Variants in KCNK9 observed in about 807,000 individuals in gnomAD.
KCNK9 encodes the protein potassium two pore domain channel subfamily K member 9.
KCNK9 carries 1 observed loss-of-function variant against 10.8 expected under a neutral mutation model. The ratio of observed to expected loss-of-function variants is 0.09; its 90% confidence interval spans 0.03 to 0.44. KCNK9 has a LOEUF of 0.44. Among genes scored for constraint, KCNK9 ranks in the 20% least tolerant of loss-of-function variants. The probability of loss-of-function intolerance (pLI) is 0.97; values close to 1 mark genes in which losing one functional copy is unlikely to be tolerated. For synonymous variants in KCNK9, 231 were observed against 222.7 expected (o/e 1.04, Z -0.33); for missense variants, 303 against 515.0 (o/e 0.59, Z 3.98).
At chr8:139,669,570 T>C (rs1189491928) in intron 1 of KCNK9, among the ~76,000 whole-genome samples, 1 of 152,220 alleles carries the variant, frequency 6.6e-6, no homozygotes, top group Non-Finnish European at 1.5e-5. Flanking sequence ...ATTGCAGCAA[T>C]TCAGTCACAT....
chr8:139,609,634 C>T (rs971279705), downstream of KCNK9, among the ~76,000 whole-genome samples: 1 of 152,230 alleles, frequency 6.6e-6, no homozygotes, highest in Non-Finnish European at 1.5e-5. Context: ...AGGCTTTCTT[C>T]CTTTAGAGCA....
At chr8:139,673,418 T>C (rs1181613719) in intron 1 of KCNK9, among the ~76,000 whole-genome samples, 1 of 152,236 alleles carries the variant, frequency 6.6e-6, no homozygotes, top group Non-Finnish European at 1.5e-5. Context: ...GCCAGGCCTA[T>C]GCCAGGAATT....
Position 139,702,654 on chromosome 8 carries a change from C to T in KCNK9, c.283+56G>A. On this transcript the variant is annotated intron_variant, in intron 1 of 1. Coordinates refer to ENST00000520439, the MANE Select transcript of KCNK9 (RefSeq NM_001282534.2). The surrounding 1 kb of genome is among the most constrained non-coding windows in gnomAD (Gnocchi z 7.5). ...CCCAGCCCGGCGCGGCGCGCTCAGC[C>T]GCCTCCCCGGACTCCTCCCGGGGCG... The T allele has an allele frequency of 1.3e-6, 2 of 1,532,346 alleles. No individual in the cohort carries two copies. The highest frequency in any genetic ancestry group is 1.8e-6 in the Non-Finnish European group (2 of 1,140,754). The allele number at this position is 1,532,346 out of a possible 1,614,324, so 94.9% of individuals were successfully genotyped here. A position where few individuals can be genotyped will look rare whatever the true frequency, so the allele number is the denominator to read the frequency against.
intron 1 of KCNK9, among the ~76,000 whole-genome samples, chr8:139,670,223 G>GC (rs981660705): frequency 1.3e-5 from 2 of 152,096 alleles, no homozygotes; most frequent in African/African-American, 4.8e-5. Flanking sequence ...GGTTCCTGGT[G>GC]CCCCCAGACA....
chr8:139,643,617 G>A (rs960753960), intron 1 of KCNK9, among the ~76,000 whole-genome samples: 5 of 152,162 alleles, frequency 3.3e-5, no homozygotes, highest in African/African-American at 1.2e-4. Flanking sequence ...GGGCACAGGT[G>A]TCCCCTGGCG....
chr8:139,625,725 GAAA>G (rs113414842), intron 1 of KCNK9, among the ~76,000 whole-genome samples: 77 of 137,014 alleles, frequency 5.6e-4, no homozygotes, highest in African/African-American at 1.3e-3. Context: ...AACAAAACAG[GAAA>G]AAAAAAAAAA....
At chr8:139,694,605 C>CTGGCCA (rs1817008566) in intron 1 of KCNK9, among the ~76,000 whole-genome samples, 1 of 152,230 alleles carries the variant, frequency 6.6e-6, no homozygotes, top group Admixed American at 6.5e-5. Flanking sequence ...CATTGGATGG[C>CTGGCCA]TGGCCATGCG....
At chr8:139,623,895 T>G (rs1475360015) in intron 1 of KCNK9, among the ~76,000 whole-genome samples, 1 of 152,154 alleles carries the variant, frequency 6.6e-6, no homozygotes, top group Non-Finnish European at 1.5e-5. Flanking sequence ...CGCCTCCGAC[T>G]GCGGGTGAGA....
intron 1 of KCNK9, among the ~76,000 whole-genome samples, chr8:139,701,020 G>A (rs1384921473): frequency 6.6e-6 from 1 of 152,188 alleles, no homozygotes; most frequent in Non-Finnish European, 1.5e-5. Flanking sequence ...TAAGGGCCTT[G>A]GGGCTTTCTC....
intron 1 of KCNK9, among the ~76,000 whole-genome samples, chr8:139,625,420 G>C (rs1454090532): frequency 1.3e-5 from 2 of 152,238 alleles, no homozygotes; most frequent in East Asian, 3.9e-4. Flanking sequence ...CTCCCGAGGA[G>C]AGCAGAGCCC....
downstream of KCNK9, among the ~76,000 whole-genome samples, chr8:139,614,899 T>C (rs549875955): frequency 1.4e-4 from 21 of 152,316 alleles, no homozygotes; most frequent in African/African-American, 5.1e-4. Context: ...CATGTTGATT[T>C]CTAGGTACTG....
At chr8:139,620,279 T>C (rs1240357639) in intron 1 of KCNK9, among the ~76,000 whole-genome samples, 1 of 152,236 alleles carries the variant, frequency 6.6e-6, no homozygotes, top group Non-Finnish European at 1.5e-5. Flanking sequence ...TTCCAACATC[T>C]AAAATCCTGC....
At chr8:139,616,282 A>AG (rs2130097798), downstream of KCNK9, 1 of 152,234 alleles carries the variant, frequency 6.6e-6, no homozygotes, top group African/African-American at 2.4e-5. Context: ...CTCATCCAAG[A>AG]GGAAAAAAAA....
intron 1 of KCNK9, among the ~76,000 whole-genome samples, chr8:139,639,321 G>A (rs1035293999): frequency 9.9e-5 from 15 of 152,228 alleles, no homozygotes; most frequent in African/African-American, 3.4e-4. Context: ...CATGGAAGGT[G>A]GAGACCACTA....
chr8:139,656,055 A>G (rs1444031178), intron 1 of KCNK9, among the ~76,000 whole-genome samples: 2 of 152,164 alleles, frequency 1.3e-5, no homozygotes, highest in Non-Finnish European at 2.9e-5. Flanking sequence ...AAGCTCCGGG[A>G]CATTCAAACA....
chr8:139,677,397 T>C (rs188505028), intron 1 of KCNK9, among the ~76,000 whole-genome samples: 1 of 152,164 alleles, frequency 6.6e-6, no homozygotes, highest in East Asian at 1.9e-4. Context: ...AAAACACTTG[T>C]CCCAGGGGCT....
At chr8:139,669,845 T>A (rs1162548367) in intron 1 of KCNK9, among the ~76,000 whole-genome samples, 1 of 152,252 alleles carries the variant, frequency 6.6e-6, no homozygotes, top group South Asian at 2.1e-4. Flanking sequence ...CATTACAAAA[T>A]GTGTTTCTTA....
rs183520303 is a variant in KCNK9 at position 139,650,393 on chromosome 8, C to T, written c.284-31294G>A. Among the ~76,000 whole-genome samples the T allele has an allele frequency of 3.9e-5, 6 of 152,298 alleles. No homozygotes were observed. In the East Asian group the frequency reaches 9.7e-4, roughly 25 times the overall value. On this transcript the variant is annotated intron_variant, in intron 1 of 1. Coordinates refer to ENST00000520439, the MANE Select transcript of KCNK9 (RefSeq NM_001282534.2). ...CTGGCACACACAGTGCTTTAGTAAG[C>T]ACCTACTATGATTATGAACAGAGCA...
intron 1 of KCNK9, among the ~76,000 whole-genome samples, chr8:139,695,093 A>G (rs1329637918): frequency 3.3e-5 from 5 of 152,242 alleles, no homozygotes; most frequent in African/African-American, 9.6e-5. Flanking sequence ...TCCCTAGCAC[A>G]TAATTCTACT....
Sources: allele counts gnomAD v4.1 joint callset (sites outside exome capture counted in the v4.1 genomes callset), GRCh38; gene constraint gnomAD v4.1.1; non-coding constraint Gnocchi (gnomAD v3.1); transcripts MANE v1.5; gene names NCBI Gene and HGNC (gene_info 2026-07-23, HGNC 2026-07-21).